The following NSUN4 variants were observed in gnomAD, a reference collection of about 807,000 sequenced individuals.
NSUN4 encodes NOP2/Sun RNA methyltransferase 4.
A neutral mutation model predicts 43.8 loss-of-function variants in NSUN4; 31 were observed. The ratio of observed to expected loss-of-function variants is 0.71; its 90% CI spans 0.53 to 0.96. The LOEUF (loss-of-function observed/expected upper bound fraction) is 0.96. NSUN4 is among the 40% of genes least tolerant of loss of function. The pLI is 0.00. For missense variants in NSUN4, 439 were observed against 475.6 expected, an observed-to-expected ratio of 0.92 and a Z score of 0.72; for synonymous variants, 167 against 184.1, an observed-to-expected ratio of 0.91 and a Z score of 0.75.
rs1196579330 is a variant in NSUN4, at chr1:46,360,706, G to T, written c.756G>T (p.Val252=). Residue 252 remains valine, a splice_region_variant and synonymous_variant, in exon 5 of 6, where the codon GTG becomes GTT. Coordinates refer to ENST00000474844, the MANE Select transcript of NSUN4 (RefSeq NM_199044.4). ...TTACCCTTTAACACTCTGGGTAGGT[G>T]CTGGTGGATGTGCCCTGTACCACAG... ...GELEGDTYDR[V]LVDVPCTTDR... 6.2e-7 allele frequency: 1 copy of T among 1,613,858 alleles called. No homozygotes were observed. Among genetic ancestry groups the T allele is most frequent in the Non-Finnish European group, 8.5e-7 (1 of 1,179,804 alleles).
At chr1:46,343,188 CCCCCTCCCATTGTG>C (rs1662242897) in intron 1 of NSUN4, 3 of 396,168 alleles carry the variant, frequency 7.6e-6, no homozygotes, top group African/African-American at 2.1e-5. Flanking sequence ...TTCGACAGGC[CCCCCTCCCATTGTG>C]CCCCTGTGTG....
intron 1 of NSUN4, chr1:46,343,276 C>T: frequency 2.5e-6 from 1 of 399,670 alleles, no homozygotes; most frequent in Non-Finnish European, 4.4e-6. Context: ...CCTCCTTGTT[C>T]TACCCACATC....
intron 4 of NSUN4, among the ~76,000 whole-genome samples, chr1:46,358,257 G>A (rs6685767): frequency 0.22 from 33,753 of 150,882 alleles, 4,221 homozygotes; most frequent in Non-Finnish European, 0.29. Context: ...CACTGTGCCC[G>A]GCTAATTTTT....
chr1:46,359,550 AATT>A (rs755124686), intron 4 of NSUN4, among the ~76,000 whole-genome samples: 25 of 143,542 alleles, frequency 1.7e-4, no homozygotes, highest in South Asian at 4.5e-4. Context: ...CGCCCGGCTA[AATT>A]TTTTTTTTTT....
chr1:46,372,386 A>G, the NSUN4 span, among the ~76,000 whole-genome samples: 4 of 151,818 alleles, frequency 2.6e-5, no homozygotes, highest in Non-Finnish European at 5.9e-5. Context: ...CTCGTGATCC[A>G]CACGTCTTGG....
intron 4 of NSUN4, among the ~76,000 whole-genome samples, chr1:46,356,536 C>T (rs1044415285): frequency 6.6e-6 from 1 of 152,032 alleles, no homozygotes; most frequent in African/African-American, 2.4e-5. Context: ...ACTAAAAATA[C>T]AAAAAATTAG....
downstream of NSUN4, among the ~76,000 whole-genome samples, chr1:46,367,512 GTT>G (rs1664162585): frequency 6.6e-6 from 1 of 152,122 alleles, no homozygotes; most frequent in African/African-American, 2.4e-5. Context: ...TTTATGGTGT[GTT>G]TTTATTGCAG....
Position 46,340,890 on chromosome 1 carries a change from C to T in NSUN4, c.64C>T (p.Pro22Ser), listed in dbSNP as rs774400915. 6.2e-7 allele frequency: 1 copy of T among 1,613,470 alleles called. No homozygotes were observed. Among genetic ancestry groups the T allele is most frequent in the South Asian group, 1.1e-5 (1 of 91,016 alleles). ...GAAGCGTGTGGACCTCGCGACGGTC[C>T]CGCGGAGACATCGATATAAGAAGAA... ...LLKRVDLATV[P>S]RRHRYKKKWA... is the part of the protein sequence containing the mutation. Residue 22 changes from proline (P) to serine (S), a missense_variant, in exon 1 of 6, where the codon CCG (proline) becomes TCG (serine). By Grantham distance (74) the Pro-to-Ser change is moderately conservative. Transcript: ENST00000474844.
chr1:46,359,429 G>C (rs1423060019), intron 4 of NSUN4, among the ~76,000 whole-genome samples: 1 of 151,822 alleles, frequency 6.6e-6, no homozygotes, highest in Non-Finnish European at 1.5e-5. Context: ...CCAAAGGCTG[G>C]AGTGCAGTGG....
chr1:46,359,900 G>A (rs1198187583), intron 4 of NSUN4, among the ~76,000 whole-genome samples: 1 of 151,982 alleles, frequency 6.6e-6, no homozygotes, highest in Non-Finnish European at 1.5e-5. Flanking sequence ...CTTATAGTTA[G>A]TCTGGGCAAC....
intron 1 of NSUN4, chr1:46,342,065 T>G: frequency 1.3e-6 from 1 of 765,028 alleles, no homozygotes; most frequent in Non-Finnish European, 1.8e-6. Context: ...CCCCGGGAAC[T>G]TGCCTCACGA....
the NSUN4 span, among the ~76,000 whole-genome samples, chr1:46,374,208 C>A: frequency 4.3e-5 from 6 of 138,980 alleles, no homozygotes; most frequent in Non-Finnish European, 9.2e-5. Context: ...ATCGCTTGAA[C>A]CTGGGAGGCG....
chr1:46,357,249 G>A (rs1393474959), intron 4 of NSUN4, among the ~76,000 whole-genome samples: 1 of 152,110 alleles, frequency 6.6e-6, no homozygotes, highest in Admixed American at 6.6e-5. Flanking sequence ...GCACAATCTC[G>A]GCTCACTGCA....
At chr1:46,351,708 A>C (rs1569751293) in intron 3 of NSUN4, among the ~76,000 whole-genome samples, 1 of 116,314 alleles carries the variant, frequency 8.6e-6, no homozygotes, top group South Asian at 3.2e-4. Flanking sequence ...TCTGTCGCCC[A>C]GGCTGGAATG....
intron 4 of NSUN4, among the ~76,000 whole-genome samples, chr1:46,356,552 T>C (rs113745511): frequency 0.22 from 33,104 of 151,750 alleles, 4,157 homozygotes; most frequent in Non-Finnish European, 0.29. Context: ...ATTAGCCGGG[T>C]GAGATGGCGG....
At chr1:46,345,456 C>A in intron 2 of NSUN4, 1 of 275,238 alleles carries the variant, frequency 3.6e-6, no homozygotes. Flanking sequence ...GACCCAGAAC[C>A]TGCACTTTGA....
intron 4 of NSUN4, among the ~76,000 whole-genome samples, chr1:46,356,185 C>T (rs1228328676): frequency 6.6e-6 from 1 of 152,144 alleles, no homozygotes; most frequent in East Asian, 1.9e-4. Context: ...GATCCTCCTA[C>T]CTCAGCCTCC....
intron 3 of NSUN4, among the ~76,000 whole-genome samples, chr1:46,351,847 G>C (rs1049138296): frequency 3.3e-5 from 5 of 151,304 alleles, no homozygotes; most frequent in Non-Finnish European, 5.9e-5. Flanking sequence ...TGTATTTTTA[G>C]TAGAGACGGG....
At chr1:46,346,551 CA>C (rs10653801) in intron 2 of NSUN4, among the ~76,000 whole-genome samples, 98 of 82,596 alleles carry the variant, frequency 1.2e-3, no homozygotes, top group Middle Eastern at 0.014. Flanking sequence ...GACTGTGTCT[CA>C]AAAAAAAAAA....
Sources: allele counts gnomAD v4.1 joint callset (sites outside exome capture counted in the v4.1 genomes callset), GRCh38; gene constraint gnomAD v4.1.1; transcripts MANE v1.5; gene names NCBI Gene and HGNC (gene_info 2026-07-23, HGNC 2026-07-21).